The following CCNJL variants were observed in gnomAD, a reference collection of about 807,000 sequenced individuals.
CCNJL encodes cyclin J like.
CCNJL carries 33 observed loss-of-function variants against 33.4 expected under a neutral mutation model. The observed-to-expected ratio is 0.99, with a 90% CI of 0.75 to 1.32. The LOEUF is 1.32. Among genes scored for constraint, CCNJL ranks in the 40% most tolerant of loss-of-function variants. The pLI is 0.00. For missense variants in CCNJL, 512 were observed against 499.7 expected (o/e 1.02, Z -0.23); for synonymous variants, 227 against 220.9 (o/e 1.03, Z -0.24).
rs111576182 is a variant in CCNJL, at chr5:160,281,640, ATTTG to A, written c.67-906_67-903del. Among the ~76,000 whole-genome samples the A allele has an allele frequency of 4.1e-3, 623 of 151,816 alleles. 4 individuals carry two copies. Among genetic ancestry groups the A allele is most frequent in the South Asian group, 6.0e-3 (29 of 4,814 alleles). ...GTTCAATCAAAGAAGATTAGACACT[ATTTG>A]TTTGTTTGTTTGTTTGTTTGTTTAA... On this transcript the variant is annotated intron_variant, in intron 2 of 5. Coordinates refer to ENST00000257536, the MANE Select transcript of CCNJL (RefSeq NM_001308173.3).
At chr5:160,316,097 A>G (rs1159570112), upstream of CCNJL, among the ~76,000 whole-genome samples, 1 of 152,038 alleles carries the variant, frequency 6.6e-6, no homozygotes, top group African/African-American at 2.4e-5. Flanking sequence ...TCATTTTCTC[A>G]GTATTTCTGA....
chr5:160,328,042 A>G (rs900875702), intron 1 of CCNJL, among the ~76,000 whole-genome samples: 3 of 152,180 alleles, frequency 2.0e-5, no homozygotes, highest in African/African-American at 7.2e-5. Flanking sequence ...CTAGAGGATG[A>G]ATACTCTGCA....
At chr5:160,287,808 C>T (rs1356790526) in intron 2 of CCNJL, among the ~76,000 whole-genome samples, 1 of 152,130 alleles carries the variant, frequency 6.6e-6, no homozygotes, top group Admixed American at 6.5e-5. Context: ...CCTGGCCAGG[C>T]AGGGTGACCT....
intron 1 of CCNJL, among the ~76,000 whole-genome samples, chr5:160,338,447 C>T (rs950163177): frequency 1.4e-5 from 2 of 147,982 alleles, no homozygotes; most frequent in South Asian, 2.2e-4. Flanking sequence ...GTCTCTGGAA[C>T]GTATCTTCAT....
At chr5:160,305,081 T>G (rs1763049702) in intron 2 of CCNJL, among the ~76,000 whole-genome samples, 1 of 152,082 alleles carries the variant, frequency 6.6e-6, no homozygotes, top group Non-Finnish European at 1.5e-5. Flanking sequence ...CCCAAAGTGC[T>G]GGGATTACAG....
In CCNJL at chr5:160,339,051, T is replaced by C. The variant is rs369497149; in HGVS notation, n.206+394A>G. On this transcript the variant is annotated intron_variant and non_coding_transcript_variant, in intron 1 of 7. Coordinates refer to the CCNJL transcript ENST00000377503. ...ATCCACCCACCTCGGACTCCCAAAG[T>C]GCTGGGATTCCAGGCATGAGCCACC... Among the ~76,000 whole-genome samples the C allele has an allele frequency of 4.3e-3, 653 of 152,224 alleles. 4 individuals are homozygous for C. The highest frequency in any genetic ancestry group is 0.015 in the African/African-American group (627 of 41,544).
intron 2 of CCNJL, among the ~76,000 whole-genome samples, chr5:160,289,352 G>A (rs1354824119): frequency 2.0e-5 from 3 of 152,130 alleles, no homozygotes; most frequent in African/African-American, 2.4e-5. Flanking sequence ...GTGAATGGAC[G>A]TCTGAATACA....
rs552485475 is a variant in CCNJL, at chr5:160,257,390, G to A, written c.584-1682C>T. On this transcript the variant is annotated intron_variant, in intron 4 of 5. Transcript: ENST00000257536. The stretch of plus-strand genomic sequence containing the variant: ...CTCGGGAGGCTGAGGCAGGAGAATC[G>A]CTTGAACCTGGGAGGCGGAGCTTGC... Among the ~76,000 whole-genome samples the A allele has an allele frequency of 4.6e-5, 7 of 152,146 alleles. No homozygotes were observed. In the South Asian group the frequency reaches 1.0e-3, roughly 23 times the overall value.
At chr5:160,264,244 G>A (rs569065250) in intron 3 of CCNJL, among the ~76,000 whole-genome samples, 1 of 152,186 alleles carries the variant, frequency 6.6e-6, no homozygotes, top group South Asian at 2.1e-4. Context: ...ATACTTATAA[G>A]ATTAAAAAGC....
At chr5:160,309,620 G>A (rs1277725556) in intron 2 of CCNJL, among the ~76,000 whole-genome samples, 1 of 152,230 alleles carries the variant, frequency 6.6e-6, no homozygotes, top group Non-Finnish European at 1.5e-5. Flanking sequence ...AGAAAGGCGA[G>A]GCTAGTATGG....
At chr5:160,326,911 C>T (rs944183820) in intron 1 of CCNJL, 19 of 661,876 alleles carry the variant, frequency 2.9e-5, no homozygotes, top group African/African-American at 7.2e-5. Flanking sequence ...GTCATGAATA[C>T]GACCGAGTCG....
At chr5:160,322,982 C>T (rs1763491735) in intron 1 of CCNJL, among the ~76,000 whole-genome samples, 1 of 151,084 alleles carries the variant, frequency 6.6e-6, no homozygotes, top group South Asian at 2.1e-4. Flanking sequence ...CGACTGTAAT[C>T]CCAGCCCTTT....
Position 160,323,967 on chromosome 5 carries a change from T to C in CCNJL, n.207-8462A>G, listed in dbSNP as rs77023035. ...TTCCGACGGGGACTATCCCCAAGAC[T>C]CTTCTGGTGCTCAGGCCTGTGGGCT... On this transcript the variant is annotated intron_variant and non_coding_transcript_variant, in intron 1 of 7. Transcript: ENST00000377503. 6.5e-3 allele frequency among the ~76,000 whole-genome samples: 994 copies of C among 152,330 alleles called. 11 individuals carry two copies. Among genetic ancestry groups the C allele is most frequent in the African/African-American group, 0.022 (931 of 41,568 alleles).
chr5:160,283,012 T>TAC (rs1762289079), intron 2 of CCNJL, among the ~76,000 whole-genome samples: 1 of 82,192 alleles, frequency 1.2e-5, no homozygotes, highest in African/African-American at 5.1e-5. Context: ...TATATATACA[T>TAC]ATATATATAT....
At chr5:160,291,076 GAGAA>G (rs1398399155) in intron 2 of CCNJL, among the ~76,000 whole-genome samples, 5 of 146,400 alleles carry the variant, frequency 3.4e-5, no homozygotes, top group Admixed American at 6.8e-5. Flanking sequence ...GAAAGAGAGA[GAGAA>G]AGAAAGAAAG....
chr5:160,255,303 A>G (rs1055002165), intron 5 of CCNJL: 3 of 283,494 alleles, frequency 1.1e-5, no homozygotes, highest in Non-Finnish European at 2.0e-5. Context: ...ACAGAGCGAG[A>G]CTCTGTCTCA....
intron 1 of CCNJL, among the ~76,000 whole-genome samples, chr5:160,335,608 T>C (rs143997071): frequency 0.012 from 1,886 of 152,240 alleles, 43 homozygotes; most frequent in African/African-American, 0.042. Context: ...GGGGTCTCTG[T>C]TGCCCAAGCT....
chr5:160,264,118 G>GT (rs1761469821), intron 3 of CCNJL, among the ~76,000 whole-genome samples: 1 of 151,970 alleles, frequency 6.6e-6, no homozygotes, highest in African/African-American at 2.4e-5. Flanking sequence ...GCTAATTTTT[G>GT]TAATTTTAGT....
chr5:160,337,218 G>A (rs1763694884), intron 1 of CCNJL, among the ~76,000 whole-genome samples: 1 of 148,822 alleles, frequency 6.7e-6, no homozygotes, highest in Non-Finnish European at 1.5e-5. Flanking sequence ...TTTTCACCAT[G>A]TTGCCCAGGC....
Sources: allele counts gnomAD v4.1 joint callset (sites outside exome capture counted in the v4.1 genomes callset), GRCh38; gene constraint gnomAD v4.1.1; transcripts MANE v1.5; gene names NCBI Gene and HGNC (gene_info 2026-07-23, HGNC 2026-07-21).